The following CLDND2 variants were observed in gnomAD, a reference collection of about 807,000 sequenced individuals.
The protein encoded by CLDND2 is claudin domain-containing protein 2.
Under a neutral mutation model 17.7 loss-of-function variants are expected in CLDND2, and 18 were observed. The observed-to-expected ratio is 1.02, with a 90% CI of 0.70 to 1.51. The LOEUF (loss-of-function observed/expected upper bound fraction) is 1.51, where lower values mean the gene tolerates loss of function less well. CLDND2 is among the 40% of genes most tolerant of loss of function. The pLI is 0.00. For synonymous variants in CLDND2, 113 were observed against 93.0 expected (o/e 1.22, Z -1.24); for missense variants, 233 against 219.6 (o/e 1.06, Z -0.39).
intron 1 of CLDND2, 89 bp downstream of exon 1, chr19:51,368,320 G>A: frequency 1.4e-6 from 2 of 1,433,284 alleles, no homozygotes; most frequent in Non-Finnish European, 1.9e-6. Context: ...GGGGTGGAAG[G>A]GGTGGGCGTC....
chr19:51,368,658 C>T lies in CLDND2; in HGVS notation c.-81G>A. The T allele has an allele frequency of 7.9e-7, 1 of 1,266,722 alleles. No homozygotes were observed. The allele number at this position is 1,266,722 out of a possible 1,614,324, so 78.5% of individuals were successfully genotyped here. Reference sequence around the variant, plus strand: ...ACCCCGAGGCCCCCAGCTGAGGAGCCCGCTTCCTCCACACTCCTCCCCTGG... The same window carrying T: ...ACCCCGAGGCCCCCAGCTGAGGAGCTCGCTTCCTCCACACTCCTCCCCTGG... On this transcript the variant is annotated 5_prime_UTR_variant, in exon 1 of 4. Transcript: ENST00000291715.
In CLDND2 at chr19:51,367,631, C is replaced by A. The variant is rs994436884; in HGVS notation, c.311-55G>T. The stretch of plus-strand genomic sequence containing the variant: ...AGCTGGGCCTGGTGGGGGCTGCACC[C>A]AGGCCACGCCCCTTCAGACCCGCCC... On this transcript the variant is annotated intron_variant, in intron 2 of 3. Coordinates refer to ENST00000291715, the MANE Select transcript of CLDND2 (RefSeq NM_152353.3). The surrounding 1 kb of genome is among the most constrained non-coding windows in gnomAD (Gnocchi z 7.4). The A allele has an allele frequency of 3.8e-6, 6 of 1,569,286 alleles. No individual in the cohort carries two copies. Among genetic ancestry groups the A allele is most frequent in the Non-Finnish European group, 5.2e-6 (6 of 1,157,708 alleles).
Position 51,367,674 on chromosome 19 carries a change from C to T in CLDND2, c.311-98G>A, listed in dbSNP as rs1986464535. The stretch of plus-strand genomic sequence containing the variant: ...ACCCGCCCCCTTCTATCAGACCACG[C>T]CTATCGCCTCTCAGCCCGCCCCTGG... On this transcript the variant is annotated intron_variant, in intron 2 of 3. Transcript: ENST00000291715. The surrounding 1 kb of genome is among the most constrained non-coding windows in gnomAD (Gnocchi z 7.4). 2 of 1,508,678 alleles carry T rather than the reference C, an allele frequency of 1.3e-6. No homozygotes were observed. The highest frequency in any genetic ancestry group is 2.3e-5 in the Admixed American group (1 of 43,634). 93.5% of individuals were successfully genotyped at this position (1,508,678 alleles called of 1,614,324 possible).
Position 51,367,461 on chromosome 19 carries a change from G to T in CLDND2, c.426C>A (p.Leu142=). 6.3e-7 allele frequency: 1 copy of T among 1,598,728 alleles called. No homozygotes were observed. Among genetic ancestry groups the T allele is most frequent in the South Asian group, 1.1e-5 (1 of 89,084 alleles). Residue 142 remains leucine, a synonymous_variant, in exon 3 of 4, where the codon CTC becomes CTA. Coordinates refer to ENST00000291715, the MANE Select transcript of CLDND2 (RefSeq NM_152353.3). This position sits in a 1 kb window ranked among gnomAD's most constrained non-coding sequence, Gnocchi z 7.4. Reference sequence around the variant, plus strand: ...TCTTCCCGCTGTCCAGTTTACCCGCGAGAATTGAGAAGGGTAAGGCCAGCC... The same window carrying T: ...TCTTCCCGCTGTCCAGTTTACCCGCTAGAATTGAGAAGGGTAAGGCCAGCC... ...SGWLALPFSI[L]AGFCFLLADM...
At chr19:51,368,104 C>A in intron 1 of CLDND2, 78 bp from the exon 2 acceptor site, 2 of 1,440,518 alleles carry the variant, frequency 1.4e-6, no homozygotes, top group African/African-American at 1.4e-5. Flanking sequence ...GAAGCTCTCC[C>A]GTCTCCTGCC....
chr19:51,367,639 G>GC lies in CLDND2; in HGVS notation c.311-64dup. The GC allele has an allele frequency of 1.3e-6, 2 of 1,558,706 alleles. No homozygotes were observed. Among genetic ancestry groups the GC allele is most frequent in the Non-Finnish European group, 8.7e-7 (1 of 1,151,960 alleles). The stretch of plus-strand genomic sequence containing the variant: ...CTGGTGGGGGCTGCACCCAGGCCAC[G>GC]CCCCTTCAGACCCGCCCCCTTCTAT... On this transcript the variant is annotated intron_variant, in intron 2 of 3. Transcript: ENST00000291715. The surrounding 1 kb of genome is among the most constrained non-coding windows in gnomAD (Gnocchi z 7.4).
Position 51,368,008 on chromosome 19 carries a change from ACAGT to A in CLDND2, c.184_187del (p.Thr62TrpfsTer16). On this transcript the variant is annotated frameshift_variant, in exon 2 of 4. Coordinates refer to ENST00000291715, the MANE Select transcript of CLDND2 (RefSeq NM_152353.3). LOFTEE classifies it high-confidence loss of function. The stretch of plus-strand genomic sequence containing the variant: ...ACCCACCGCCAGCACCATGCACGCC[ACAGT>A]CACCGCCAGCGTGGCTGGGGAGAGC... The A allele has an allele frequency of 6.2e-7, 1 of 1,611,036 alleles. No individual in the cohort carries two copies.
chr19:51,368,853 A>C lies in CLDND2; in HGVS notation c.-276T>G. 2 of 395,592 alleles carry C rather than the reference A, an allele frequency of 5.1e-6. No homozygotes were observed. Among genetic ancestry groups the C allele is most frequent in the Non-Finnish European group, 9.2e-6 (2 of 217,366 alleles). 24.5% of individuals were successfully genotyped at this position (395,592 alleles called of 1,614,324 possible). On this transcript the variant is annotated 5_prime_UTR_variant, in exon 1 of 4. Transcript: ENST00000291715. ...CTTCACCACAGGCTTTGCTGTGAGG[A>C]ACCTGTCTTCCCAGAGACCTCCCCC...
chr19:51,368,146 C>A, intron 1 of CLDND2, 120 bp from the exon 2 acceptor site: 1 of 1,162,072 alleles, frequency 8.6e-7, no homozygotes, highest in Non-Finnish European at 1.2e-6. Context: ...GAGCCGAGCT[C>A]CACCGACCGG....
At position 51,367,707 on chromosome 19, in the gene CLDND2, C is replaced by G; in HGVS notation, c.311-131G>C. On this transcript the variant is annotated intron_variant, in intron 2 of 3. Coordinates refer to ENST00000291715, the MANE Select transcript of CLDND2 (RefSeq NM_152353.3). This position sits in a 1 kb window ranked among gnomAD's most constrained non-coding sequence, Gnocchi z 7.4. ...CTCTCAGCCCGCCCCTGGCCCAGGC[C>G]CCTTCCTGCTCCTCCCGCTCTGAAC... 1 of 1,485,760 alleles carries G rather than the reference C, an allele frequency of 6.7e-7. No homozygotes were observed. Among genetic ancestry groups the G allele is most frequent in the Non-Finnish European group, 8.9e-7 (1 of 1,119,258 alleles). 92.0% of individuals were successfully genotyped at this position (1,485,760 alleles called of 1,614,324 possible). A position where few individuals can be genotyped will look rare whatever the true frequency, so the allele number is the denominator to read the frequency against.
chr19:51,367,786 A>G lies in CLDND2; in HGVS notation c.310+100T>C. 6.6e-7 allele frequency: 1 copy of G among 1,506,752 alleles called. No individual in the cohort carries two copies. The highest frequency in any genetic ancestry group is 8.8e-7 in the Non-Finnish European group (1 of 1,131,844). The allele number at this position is 1,506,752 out of a possible 1,614,324, so 93.3% of individuals were successfully genotyped here. ...GGCTTCTTCCAGCCCTGCCCCTCGG[A>G]TCCTGGCCGAGTACCTCAAGCCCCT... On this transcript the variant is annotated intron_variant, in intron 2 of 3. Transcript: ENST00000291715. The surrounding 1 kb of genome is among the most constrained non-coding windows in gnomAD (Gnocchi z 7.4).
In CLDND2 at chr19:51,367,589, C is replaced by G; in HGVS notation, c.311-13G>C. On this transcript the variant is annotated splice_polypyrimidine_tract_variant and intron_variant, in intron 2 of 3. Transcript: ENST00000291715. This position sits in a 1 kb window ranked among gnomAD's most constrained non-coding sequence, Gnocchi z 7.4. ...AGCAGCAGCAGTCCTGGGCCCCGCCCAGCCGCAAGATGAGCTAGCTGGGCC... is the reference window on the plus strand; with the variant it reads ...AGCAGCAGCAGTCCTGGGCCCCGCCGAGCCGCAAGATGAGCTAGCTGGGCC... The G allele has an allele frequency of 1.2e-6, 2 of 1,609,224 alleles. No individual in the cohort carries two copies. The highest frequency in any genetic ancestry group is 1.7e-6 in the Non-Finnish European group (2 of 1,177,918).
Position 51,367,780 on chromosome 19 carries a change from C to T in CLDND2, c.310+106G>A. 8 of 1,497,198 alleles carry T rather than the reference C, an allele frequency of 5.3e-6. No individual in the cohort carries two copies. The highest frequency in any genetic ancestry group is 7.1e-6 in the Non-Finnish European group (8 of 1,126,958). The allele number at this position is 1,497,198 out of a possible 1,614,324, so 92.7% of individuals were successfully genotyped here. ...TCTCTCGGCTTCTTCCAGCCCTGCCCCTCGGATCCTGGCCGAGTACCTCAA... is the reference window on the plus strand; with the variant it reads ...TCTCTCGGCTTCTTCCAGCCCTGCCTCTCGGATCCTGGCCGAGTACCTCAA... On this transcript the variant is annotated intron_variant, in intron 2 of 3. Coordinates refer to ENST00000291715, the MANE Select transcript of CLDND2 (RefSeq NM_152353.3). The surrounding 1 kb of genome is among the most constrained non-coding windows in gnomAD (Gnocchi z 7.4).
At position 51,368,030 on chromosome 19, in the gene CLDND2, G is replaced by C. The variant is rs556338299; in HGVS notation, c.170-4C>G. 4 of 1,603,132 alleles carry C rather than the reference G, an allele frequency of 2.5e-6. No homozygotes were observed. Among genetic ancestry groups the C allele is most frequent in the African/African-American group, 1.3e-5 (1 of 74,666 alleles). ...GCCACAGTCACCGCCAGCGTGGCTG[G>C]GGAGAGCGGGCGCATCAGCCCCCGC... On this transcript the variant is annotated splice_polypyrimidine_tract_variant and splice_region_variant and intron_variant, in intron 1 of 3. Transcript: ENST00000291715.
At position 51,368,363 on chromosome 19, in the gene CLDND2, T is replaced by G. The variant is rs757125618; in HGVS notation, c.169+46A>C. On this transcript the variant is annotated intron_variant, in intron 1 of 3. Transcript: ENST00000291715. ...GGGCCCAGCTGTGTGTCCCGAGCCC[T>G]GGGGGTCTGAAATGCCCTCTGACAT... 7 of 1,569,556 alleles carry G rather than the reference T, an allele frequency of 4.5e-6. No individual in the cohort carries two copies. In the Admixed American group the frequency reaches 8.7e-5, roughly 19 times the overall value.
chr19:51,368,788 A>G lies in CLDND2; in HGVS notation c.-211T>C, dbSNP rs772256043. ...CCTCCCTCCAGACCTCGTTCCCCTT[A>G]CTGGAGACCTTGAGACTTCCCCTGA... On this transcript the variant is annotated 5_prime_UTR_variant, in exon 1 of 4. Transcript: ENST00000291715. The G allele has an allele frequency of 9.3e-6, 5 of 537,120 alleles. No homozygotes were observed. The highest frequency in any genetic ancestry group is 1.7e-5 in the Non-Finnish European group (5 of 301,514). 33.3% of individuals were successfully genotyped at this position (537,120 alleles called of 1,614,324 possible).
chr19:51,367,314 C>T lies in CLDND2; in HGVS notation c.431-99G>A. 2.1e-6 allele frequency: 3 copies of T among 1,426,232 alleles called. No individual in the cohort carries two copies. Among genetic ancestry groups the T allele is most frequent in the Non-Finnish European group, 2.9e-6 (3 of 1,021,320 alleles). The allele number at this position is 1,426,232 out of a possible 1,614,324, so 88.3% of individuals were successfully genotyped here. A position where few individuals can be genotyped will look rare whatever the true frequency, so the allele number is the denominator to read the frequency against. Reference sequence around the variant, plus strand: ...CTGGGGTTTGGGGCTCCAAGGGGGTCTCTGCCGGGTCTGCGGGAGTCGTTA... The same window carrying T: ...CTGGGGTTTGGGGCTCCAAGGGGGTTTCTGCCGGGTCTGCGGGAGTCGTTA... On this transcript the variant is annotated intron_variant, in intron 3 of 3. Transcript: ENST00000291715. This position sits in a 1 kb window ranked among gnomAD's most constrained non-coding sequence, Gnocchi z 7.4.
Position 51,367,834 on chromosome 19 carries a change from A to G in CLDND2, c.310+52T>C, listed in dbSNP as rs1986478275. The G allele has an allele frequency of 1.3e-6, 2 of 1,589,346 alleles. No individual in the cohort carries two copies. The highest frequency in any genetic ancestry group is 1.7e-6 in the Non-Finnish European group (2 of 1,172,648). ...CCTCCCCTGGCGACCAGGCCCCTCC[A>G]TCACCCAGGGCCCGCCCCTGCCTGC... On this transcript the variant is annotated intron_variant, in intron 2 of 3. Transcript: ENST00000291715. The surrounding 1 kb of genome is among the most constrained non-coding windows in gnomAD (Gnocchi z 7.4).
Position 51,368,103 on chromosome 19 carries a change from C to T in CLDND2, c.170-77G>A, listed in dbSNP as rs3745402. The T allele has an allele frequency of 2.9e-3, 4,226 of 1,440,144 alleles. 83 individuals are homozygous for T. The African/African-American group carries it at 0.044, about 15-fold the overall frequency. The allele number at this position is 1,440,144 out of a possible 1,614,324, so 89.2% of individuals were successfully genotyped here. On this transcript the variant is annotated intron_variant, in intron 1 of 3. Transcript: ENST00000291715. ...GGTTCGGCCGCAACCGGAAGCTCTC[C>T]CGTCTCCTGCCCCCAACCCGGTGTG...
Sources: gnomAD v4.1 joint callset for allele counts on GRCh38, gnomAD v4.1.1 for gene constraint, Gnocchi (gnomAD v3.1) non-coding constraint, MANE v1.5 for transcripts, NCBI Gene and HGNC (gene_info 2026-07-23, HGNC 2026-07-21) for gene names.